The following DNAH11 variants were observed in gnomAD, a reference collection of about 807,000 sequenced individuals.
The protein encoded by DNAH11 is dynein axonemal heavy chain 11.
Under a neutral mutation model 526.0 loss-of-function variants are expected in DNAH11, and 442 were observed. The ratio of observed to expected loss-of-function variants is 0.84; its 90% CI spans 0.78 to 0.91. The LOEUF (loss-of-function observed/expected upper bound fraction) is 0.91. Among genes scored for constraint, DNAH11 ranks in the 40% least tolerant of loss-of-function variants. The probability of loss-of-function intolerance (pLI) is 0.00; values close to 1 mark genes in which losing one functional copy is unlikely to be tolerated. For missense variants in DNAH11, 6,989 were observed against 5,448.7 expected (o/e 1.28, Z -8.90); for synonymous variants, 2,461 against 1,935.9 (o/e 1.27, Z -7.12).
rs533596107 is a variant in DNAH11, at chr7:21,725,873, T to A, written c.7329T>A (p.Phe2443Leu). The A allele has an allele frequency of 3.7e-6, 6 of 1,610,808 alleles. No homozygotes were observed. In the Admixed American group the frequency reaches 1.0e-4, roughly 27 times the overall value. Residue 2443 changes from phenylalanine to leucine, a missense_variant, in exon 45 of 82, where the codon TTT becomes TTA. Transcript: ENST00000409508. ...AGAAAGAGATGAAAGCAGTGAAATT[T>A]CCGTCGCAGGGAACAATCTTTGATT... Reference protein sequence around the residue: ...WWQKEMKAVKFPSQGTIFDYY... With the variant: ...WWQKEMKAVKLPSQGTIFDYY...
chr7:21,636,085 C>T lies in DNAH11; in HGVS notation c.4715C>T (p.Ala1572Val), dbSNP rs1273742844. 1 of 1,609,708 alleles carries T rather than the reference C, an allele frequency of 6.2e-7. No homozygotes were observed. The highest frequency in any genetic ancestry group is 8.5e-7 in the Non-Finnish European group (1 of 1,177,242). Residue 1572 changes from alanine to valine, a missense_variant, in exon 26 of 82, where the codon GCT becomes GTT. Physicochemically the swap from Ala to Val is moderately conservative, Grantham distance 64. Transcript: ENST00000409508. Reference protein sequence around the residue: ...KDARRFDGVDAEFKELMFKTA... With the variant: ...KDARRFDGVDVEFKELMFKTA... Reference sequence around the variant, plus strand: ...GCTAGAAGATTTGATGGGGTGGATGCTGAATTTAAGGTTTGTCAAAGACAG... The same window carrying T: ...GCTAGAAGATTTGATGGGGTGGATGTTGAATTTAAGGTTTGTCAAAGACAG...
At chr7:21,817,326 C>T (rs1243040362) in intron 64 of DNAH11, among the ~76,000 whole-genome samples, 2 of 151,994 alleles carry the variant, frequency 1.3e-5, no homozygotes, top group African/African-American at 4.8e-5. Flanking sequence ...TTTCACTTGA[C>T]CCTTCCATCC....
chr7:21,668,563 G>A (rs1288479810), intron 30 of DNAH11, among the ~76,000 whole-genome samples: 1 of 152,106 alleles, frequency 6.6e-6, no homozygotes, highest in Non-Finnish European at 1.5e-5. Context: ...TCTTCTGCCA[G>A]CATCCATGAC....
At chr7:21,549,817 G>C (rs959220588) in intron 2 of DNAH11, among the ~76,000 whole-genome samples, 2 of 152,176 alleles carry the variant, frequency 1.3e-5, no homozygotes, top group African/African-American at 4.8e-5. Context: ...ACTATAACCT[G>C]TATTTGGTTC....
chr7:21,891,993 C>T (rs887099461), intron 76 of DNAH11, among the ~76,000 whole-genome samples: 2 of 152,084 alleles, frequency 1.3e-5, no homozygotes, highest in African/African-American at 4.8e-5. Flanking sequence ...GCTACAGAGT[C>T]CTACTAAAAT....
chr7:21,864,752 TG>T (rs1783208541), intron 70 of DNAH11, 95 bp downstream of exon 70: 2 of 1,246,084 alleles, frequency 1.6e-6, no homozygotes, highest in Non-Finnish European at 2.2e-6. Context: ...ATACAGGTGA[TG>T]TATTAAGCAC....
intron 65 of DNAH11, among the ~76,000 whole-genome samples, chr7:21,827,202 T>C (rs1423635803): frequency 1.3e-5 from 2 of 152,212 alleles, no homozygotes; most frequent in Non-Finnish European, 2.9e-5. Context: ...AACAGCTGGG[T>C]AATTACAAAT....
intron 5 of DNAH11, among the ~76,000 whole-genome samples, chr7:21,562,138 A>G (rs1783484950): frequency 1.3e-5 from 2 of 152,190 alleles, no homozygotes; most frequent in South Asian, 4.1e-4. Context: ...GCCTATTAAC[A>G]CCTTCCTTGA....
Position 21,655,996 on chromosome 7 carries a change from T to C in DNAH11, c.5094+15T>C. ...GTGTGGGCCATGTAAGATTTGATTA[T>C]GAGGTTTTCTATGCTAGGGGAGTAT... On this transcript the variant is annotated intron_variant, in intron 29 of 81. Coordinates refer to ENST00000409508, the MANE Select transcript of DNAH11 (RefSeq NM_001277115.2). The C allele has an allele frequency of 2.5e-6, 4 of 1,578,334 alleles. No homozygotes were observed. The South Asian group carries it at 3.5e-5, about 14-fold the overall frequency.
In DNAH11 at chr7:21,570,254, GT is replaced by G; in HGVS notation, c.1384del (p.Cys462AlafsTer10). On this transcript the variant is annotated frameshift_variant, in exon 7 of 82. Coordinates refer to ENST00000409508, the MANE Select transcript of DNAH11 (RefSeq NM_001277115.2). LOFTEE classifies it high-confidence loss of function. ...RPWDFQSHLVFCRFDKFLDRL... is the reference protein window; with the variant it reads ...RPWDFQSHLVXCRFDKFLDRL... ...CATGGGATTTCCAGTCTCATCTGGTGTTTTGCAGATTTGACAAGTTTCTTGA... is the reference window on the plus strand; with the variant it reads ...CATGGGATTTCCAGTCTCATCTGGTGTTTGCAGATTTGACAAGTTTCTTGA... 1 of 1,611,626 alleles carries G rather than the reference GT, an allele frequency of 6.2e-7. No individual in the cohort carries two copies. Among genetic ancestry groups the G allele is most frequent in the South Asian group, 1.1e-5 (1 of 90,370 alleles).
chr7:21,693,017 A>C lies in DNAH11; in HGVS notation c.6041+2136A>C, dbSNP rs574826480. Among the ~76,000 whole-genome samples the C allele has an allele frequency of 1.2e-4, 18 of 152,300 alleles. No homozygotes were observed. In the South Asian group the frequency reaches 3.7e-3, roughly 32 times the overall value. On this transcript the variant is annotated intron_variant, in intron 35 of 81. Coordinates refer to ENST00000409508, the MANE Select transcript of DNAH11 (RefSeq NM_001277115.2). ...CATACAGTTCCTTTGTTAGATACAT[A>C]CATTGCAAATATTTTTTCTCTCAAT...
At chr7:21,862,928 G>C (rs1783120675) in intron 69 of DNAH11, among the ~76,000 whole-genome samples, 1 of 152,052 alleles carries the variant, frequency 6.6e-6, no homozygotes, top group South Asian at 2.1e-4. Context: ...GCCAGGCGTG[G>C]TGGCAGGCAC....
At chr7:21,720,425 A>ACCCTTT (rs1290420347) in intron 43 of DNAH11, among the ~76,000 whole-genome samples, 1 of 146,660 alleles carries the variant, frequency 6.8e-6, no homozygotes, top group African/African-American at 2.5e-5. Flanking sequence ...GTGAATATGT[A>ACCCTTT]CCCTTTTTTT....
In DNAH11 at chr7:21,704,494, G is replaced by T. The variant is rs753307020; in HGVS notation, c.6334G>T (p.Val2112Leu). The change falls in exon 38 of 82, where the codon GTG becomes TTG. Residue 2112 changes from valine (V) to leucine (L), a missense_variant. Val to Leu is a conservative substitution (Grantham distance 32). Transcript: ENST00000409508. ...MPKIVTDDIP[V>L]FLGLVGDLFP... is the part of the protein sequence containing the mutation. The stretch of plus-strand genomic sequence containing the variant: ...CAAAATAGTGACTGACGACATCCCA[G>T]TGTTTCTGGGCCTGGTCGGTGACCT... 3.5e-5 allele frequency: 56 copies of T among 1,613,852 alleles called. No individual in the cohort carries two copies. In the East Asian group the frequency reaches 1.2e-3, roughly 36 times the overall value.
intron 68 of DNAH11, among the ~76,000 whole-genome samples, chr7:21,860,304 A>C (rs1014702279): frequency 2.0e-5 from 3 of 151,828 alleles, no homozygotes; most frequent in African/African-American, 7.3e-5. Flanking sequence ...AAAAGATAAC[A>C]AGTGTTGGTA....
rs1200012632 is a variant in DNAH11 at position 21,698,215 on chromosome 7, T to A, written c.6180+2T>A. ...TGCAAGGAGCTTCTCTCCAAGCAGG[T>A]GAGGGATCATTTGTTACGTTTTCTT... On this transcript the variant is annotated splice_donor_variant, in intron 36 of 81. Coordinates refer to ENST00000409508, the MANE Select transcript of DNAH11 (RefSeq NM_001277115.2). LOFTEE classifies it high-confidence loss of function. The A allele has an allele frequency of 6.2e-7, 1 of 1,613,110 alleles. No individual in the cohort carries two copies. The highest frequency in any genetic ancestry group is 1.1e-5 in the South Asian group (1 of 90,806).
intron 68 of DNAH11, among the ~76,000 whole-genome samples, chr7:21,859,486 A>G (rs1782975024): frequency 1.3e-5 from 2 of 152,220 alleles, no homozygotes; most frequent in Non-Finnish European, 2.9e-5. Flanking sequence ...ATATTCAAAC[A>G]TCTGAAAAAA....
At chr7:21,558,644 A>G (rs1783316718) in intron 2 of DNAH11, among the ~76,000 whole-genome samples, 158 bp from the exon 3 acceptor site, 1 of 152,044 alleles carries the variant, frequency 6.6e-6, no homozygotes, top group Non-Finnish European at 1.5e-5. Flanking sequence ...AATTGATTAA[A>G]TCTAAATGGG....
chr7:21,561,029 G>C, intron 4 of DNAH11, 42 bp from the exon 5 acceptor site: 1 of 1,372,526 alleles, frequency 7.3e-7, no homozygotes, highest in East Asian at 2.5e-5. Flanking sequence ...TAGTAATCGA[G>C]TTTATATTTA....
Sources: gnomAD v4.1 joint callset for allele counts (sites outside exome capture counted in the v4.1 genomes callset) on GRCh38, gnomAD v4.1.1 for gene constraint, MANE v1.5 for transcripts, NCBI Gene and HGNC (gene_info 2026-07-23, HGNC 2026-07-21) for gene names.